Variants in HERC1 observed in about 807,000 individuals in gnomAD.
HERC1 encodes probable E3 ubiquitin-protein ligase HERC1.
A neutral mutation model predicts 554.3 loss-of-function variants in HERC1; 160 were observed. The ratio of observed to expected loss-of-function variants is 0.29; its 90% CI spans 0.25 to 0.33. The LOEUF (loss-of-function observed/expected upper bound fraction) is 0.33, where lower values mean the gene tolerates loss of function less well. HERC1 is among the 10% of genes least tolerant of loss of function. The probability of loss-of-function intolerance (pLI) is 1.00; values close to 1 mark genes in which losing one functional copy is unlikely to be tolerated. For missense variants in HERC1, 4,919 were observed against 5,918.5 expected, an observed-to-expected ratio of 0.83 and a Z score of 5.54; for synonymous variants, 2,175 against 2,131.7, an observed-to-expected ratio of 1.02 and a Z score of -0.56.
At chr15:63,717,299 CAACA>C (rs2073600436) in intron 21 of HERC1, among the ~76,000 whole-genome samples, 1 of 152,036 alleles carries the variant, frequency 6.6e-6, no homozygotes, top group African/African-American at 2.4e-5. Context: ...TCAAGGTCAC[CAACA>C]AACAGATCCA....
Position 63,720,102 on chromosome 15 carries a change from C to CTTTTTTTTTTTTTTTTTTTTTTT in HERC1, c.3743-1206_3743-1205insAAAAAAAAAAAAAAAAAAAAAAA, listed in dbSNP as rs1214451219. Among the ~76,000 whole-genome samples, 6 of 20,958 alleles carry CTTTTTTTTTTTTTTTTTTTTTTT rather than the reference C, an allele frequency of 2.9e-4. 1 individual carries two copies. The highest frequency in any genetic ancestry group is 8.3e-4 in the Non-Finnish European group (6 of 7,268). 13.7% of individuals were successfully genotyped at this position (20,958 alleles called of 152,430 possible). On this transcript the variant is annotated intron_variant, in intron 19 of 77. Transcript: ENST00000443617. ...AGGACTAGTCAGGTGCTTTTTCTTC[C>CTTTTTTTTTTTTTTTTTTTTTTT]CTTTTTTTTTTTTTTTAAGAGACAG...
chr15:63,743,281 T>TTAA lies in HERC1; in HGVS notation c.2520+3636_2520+3637insTTA, dbSNP rs1555433272. Among the ~76,000 whole-genome samples, 145 of 145,270 alleles carry TTAA rather than the reference T, an allele frequency of 1.0e-3. 1 individual carries two copies. Among genetic ancestry groups the TTAA allele is most frequent in the African/African-American group, 3.6e-3 (144 of 40,154 alleles). On this transcript the variant is annotated intron_variant, in intron 12 of 77. Transcript: ENST00000443617. ...TCTTTTTCTTTTTTTTTTTTTTTTT[T>TTAA]AAATGGAGTCTCACTCTGTCACCAG...
Position 63,694,296 on chromosome 15 carries a change from C to T in HERC1, c.5480+16G>A. ...CAGACTTCATACAGTTCTACAAAGA[C>T]ATCTACCATACTTACCCAGTAGTGA... On this transcript the variant is annotated intron_variant, in intron 29 of 77. Coordinates refer to ENST00000443617, the MANE Select transcript of HERC1 (RefSeq NM_003922.4). The surrounding 1 kb of genome is among the most constrained non-coding windows in gnomAD (Gnocchi z 4.3). 1.9e-6 allele frequency: 3 copies of T among 1,604,682 alleles called. No homozygotes were observed. Among genetic ancestry groups the T allele is most frequent in the African/African-American group, 1.3e-5 (1 of 74,904 alleles).
chr15:63,783,681 T>C (rs1304679964), intron 1 of HERC1, among the ~76,000 whole-genome samples: 1 of 152,160 alleles, frequency 6.6e-6, no homozygotes, highest in Non-Finnish European at 1.5e-5. Flanking sequence ...AGTACAACAG[T>C]ATATAAACCA....
chr15:63,682,467 CA>C (rs2071526761), intron 34 of HERC1, among the ~76,000 whole-genome samples: 1 of 152,094 alleles, frequency 6.6e-6, no homozygotes, highest in Admixed American at 6.5e-5. Flanking sequence ...GGAAAGGGTT[CA>C]AAAACCCCTG....
chr15:63,769,388 C>A (rs1184333477), intron 2 of HERC1, among the ~76,000 whole-genome samples: 1 of 151,988 alleles, frequency 6.6e-6, no homozygotes, highest in Non-Finnish European at 1.5e-5. Context: ...CCACTGCACT[C>A]CAGAGTGGGT....
chr15:63,798,322 A>T (rs1389266575), intron 1 of HERC1, among the ~76,000 whole-genome samples: 1 of 152,198 alleles, frequency 6.6e-6, no homozygotes, highest in Non-Finnish European at 1.5e-5. Context: ...GTGCTTAACC[A>T]GTTAAAGACT....
At chr15:63,658,748 A>C (rs1295944376) in intron 47 of HERC1, 30 bp from the exon 48 acceptor site, 5 of 1,565,284 alleles carry the variant, frequency 3.2e-6, no homozygotes, top group Non-Finnish European at 4.4e-6. Flanking sequence ...TTTGTTCTCA[A>C]CAAGGTAAGA....
intron 2 of HERC1, among the ~76,000 whole-genome samples, chr15:63,765,213 T>C (rs567791127): frequency 6.6e-6 from 1 of 152,284 alleles, no homozygotes; most frequent in South Asian, 2.1e-4. Flanking sequence ...CTGCTCCTTT[T>C]CTCTTGCAAT....
Position 63,645,543 on chromosome 15 carries a change from T to G in HERC1, c.11018A>C (p.Asn3673Thr). 1 of 1,613,500 alleles carries G rather than the reference T, an allele frequency of 6.2e-7. No individual in the cohort carries two copies. Among genetic ancestry groups the G allele is most frequent in the Non-Finnish European group, 8.5e-7 (1 of 1,179,710 alleles). The change falls in exon 56 of 78, where the codon AAT (asparagine) becomes ACT (threonine). Residue 3673 changes from asparagine (N) to threonine (T), a missense_variant. By Grantham distance (65) the Asn-to-Thr change is moderately conservative (BLOSUM62 0). Coordinates refer to ENST00000443617, the MANE Select transcript of HERC1 (RefSeq NM_003922.4). ...TGGAAGGCGGCACCAAGCAATGCCA[T>G]TTACAATAGATGGATGGCAGAGTGA... is the stretch of plus-strand genomic sequence containing the variant. ...LHSLCHPSIVNGIAWCRLPGK... is the reference protein window; with the variant it reads ...LHSLCHPSIVTGIAWCRLPGK...
intron 32 of HERC1, 115 bp from the exon 33 acceptor site, chr15:63,689,814 A>G (rs1201007713): frequency 1.7e-6 from 1 of 584,530 alleles, no homozygotes; most frequent in African/African-American, 1.9e-5. Context: ...TGATTATACC[A>G]GTGTTCAACA....
At position 63,699,066 on chromosome 15, in the gene HERC1, G is replaced by A. The variant is rs1332305988; in HGVS notation, c.4637-70C>T. The A allele has an allele frequency of 3.7e-6, 5 of 1,336,342 alleles. No homozygotes were observed. In the South Asian group the frequency reaches 5.5e-5, roughly 15 times the overall value. The allele number at this position is 1,336,342 out of a possible 1,614,324, so 82.8% of individuals were successfully genotyped here. A position where few individuals can be genotyped will look rare whatever the true frequency, so the allele number is the denominator to read the frequency against. Reference sequence around the variant, plus strand: ...AGCATACATTCTGAAACTAGATAAGGCTGAGTGCTGCTACCATAACCAACT... The same window carrying A: ...AGCATACATTCTGAAACTAGATAAGACTGAGTGCTGCTACCATAACCAACT... On this transcript the variant is annotated intron_variant, in intron 25 of 77. Transcript: ENST00000443617.
At chr15:63,803,024 A>G (rs1384382650) in intron 1 of HERC1, among the ~76,000 whole-genome samples, 1 of 152,080 alleles carries the variant, frequency 6.6e-6, no homozygotes, top group Admixed American at 6.6e-5. Context: ...AGCCTGGGTG[A>G]CATAATGAGA....
chr15:63,654,333 G>A lies in HERC1; in HGVS notation c.10085-9C>T. The A allele has an allele frequency of 6.2e-7, 1 of 1,606,820 alleles. No individual in the cohort carries two copies. Among genetic ancestry groups the A allele is most frequent in the Non-Finnish European group, 8.5e-7 (1 of 1,175,384 alleles). On this transcript the variant is annotated splice_polypyrimidine_tract_variant and intron_variant, in intron 50 of 77. Coordinates refer to ENST00000443617, the MANE Select transcript of HERC1 (RefSeq NM_003922.4). The stretch of plus-strand genomic sequence containing the variant: ...AGCCAACTCCAGAGGGCCTACAGCA[G>A]AAGGATCATAGGAAGGATGGGCATA...
intron 1 of HERC1, among the ~76,000 whole-genome samples, chr15:63,822,180 C>T (rs1266893942): frequency 6.6e-6 from 1 of 152,134 alleles, no homozygotes; most frequent in Non-Finnish European, 1.5e-5. Context: ...ACGGATAGTT[C>T]AATGTAGCAG....
chr15:63,664,907 T>C (rs2070541136), intron 42 of HERC1, among the ~76,000 whole-genome samples: 1 of 152,146 alleles, frequency 6.6e-6, no homozygotes, highest in South Asian at 2.1e-4. Context: ...AAATTTGAAA[T>C]GATTGAGAAT....
At chr15:63,709,656 T>A (rs1345693834) in intron 24 of HERC1, among the ~76,000 whole-genome samples, 1 of 152,214 alleles carries the variant, frequency 6.6e-6, no homozygotes, top group African/African-American at 2.4e-5. Flanking sequence ...TACACCACTT[T>A]AATTTTACCC....
rs139955147 is a variant in HERC1, at chr15:63,832,967, T to C, written c.-27+860A>G. Among the ~76,000 whole-genome samples the C allele has an allele frequency of 9.8e-5, 15 of 152,374 alleles. No homozygotes were observed. The East Asian group carries it at 2.3e-3, about 23-fold the overall frequency. ...AATTATCTCTATATTCTAAGTATTA[T>C]AGACATTTCTTAAACTAAGACAAAT... On this transcript the variant is annotated intron_variant, in intron 1 of 77. Coordinates refer to ENST00000443617, the MANE Select transcript of HERC1 (RefSeq NM_003922.4).
intron 65 of HERC1, among the ~76,000 whole-genome samples, chr15:63,635,734 C>T (rs999724107): frequency 5.3e-5 from 8 of 152,090 alleles, no homozygotes; most frequent in South Asian, 4.1e-4. Context: ...AGCTGGCTCA[C>T]GAAAAAGACC....
Sources: allele counts gnomAD v4.1 joint callset (sites outside exome capture counted in the v4.1 genomes callset), GRCh38; gene constraint gnomAD v4.1.1; non-coding constraint Gnocchi (gnomAD v3.1); transcripts MANE v1.5; gene names NCBI Gene and HGNC (gene_info 2026-07-23, HGNC 2026-07-21).